The following GRID2 variants were observed in gnomAD, a reference collection of about 807,000 sequenced individuals.
GRID2 encodes the protein glutamate receptor ionotropic, delta-2.
In GRID2, 33 loss-of-function variants were observed where a neutral mutation model predicts 114.8. The ratio of observed to expected loss-of-function variants is 0.29; its 90% CI spans 0.22 to 0.38. GRID2 has a LOEUF of 0.38. Ranked by LOEUF, GRID2 falls within the 10% of genes least tolerant of loss-of-function variation. The probability of loss-of-function intolerance (pLI) is 1.00; values close to 1 mark genes in which losing one functional copy is unlikely to be tolerated. For missense variants in GRID2, 1,184 were observed against 1,257.7 expected, an observed-to-expected ratio of 0.94 and a Z score of 0.89; for synonymous variants, 505 against 449.9, an observed-to-expected ratio of 1.12 and a Z score of -1.55.
intron 2 of GRID2, among the ~76,000 whole-genome samples, chr4:92,890,452 G>C (rs181526138): frequency 6.6e-6 from 1 of 151,872 alleles, no homozygotes; most frequent in Non-Finnish European, 1.5e-5. Context: ...GTGGGTGAAG[G>C]ATATGAACAG....
chr4:93,801,034 G>C (rs1270423014), intron 1 of GRID2, among the ~76,000 whole-genome samples: 1 of 152,066 alleles, frequency 6.6e-6, no homozygotes, highest in Non-Finnish European at 1.5e-5. Flanking sequence ...GAAAATAATC[G>C]TTTGTTGGTC....
rs529520475 is a variant in GRID2, at chr4:92,767,968, G to T, written c.244+177682G>T. On this transcript the variant is annotated intron_variant, in intron 2 of 15. Coordinates refer to ENST00000282020, the MANE Select transcript of GRID2 (RefSeq NM_001510.4). The stretch of plus-strand genomic sequence containing the variant: ...CCTGGTACATGATCAGCACATAAGT[G>T]TTACTTATGCTTATTTTGTATTCTT... Among the ~76,000 whole-genome samples, 199 of 151,308 alleles carry T rather than the reference G, an allele frequency of 1.3e-3. 1 individual carries two copies. The highest frequency in any genetic ancestry group is 4.5e-3 in the African/African-American group (184 of 41,296).
chr4:92,780,662 C>T (rs1378285498), intron 2 of GRID2, among the ~76,000 whole-genome samples: 2 of 152,054 alleles, frequency 1.3e-5, no homozygotes, highest in Non-Finnish European at 2.9e-5. Flanking sequence ...ATATGGACTT[C>T]CTTCAGATAA....
intron 10 of GRID2, among the ~76,000 whole-genome samples, chr4:93,439,277 G>A (rs911564553): frequency 3.3e-5 from 5 of 152,040 alleles, no homozygotes; most frequent in African/African-American, 1.2e-4. Flanking sequence ...CACATTCTAT[G>A]GCATAATAAT....
At chr4:93,799,712 T>C (rs1483771980) in intron 1 of GRID2, among the ~76,000 whole-genome samples, 1 of 152,218 alleles carries the variant, frequency 6.6e-6, no homozygotes, top group Non-Finnish European at 1.5e-5. Flanking sequence ...CTAGATGTGA[T>C]ATCTCAAGTA....
chr4:93,018,887 A>G (rs1164987990), intron 2 of GRID2, among the ~76,000 whole-genome samples: 1 of 152,164 alleles, frequency 6.6e-6, no homozygotes, highest in African/African-American at 2.4e-5. Flanking sequence ...AACTCAAAAC[A>G]AAACTTTTAC....
intron 2 of GRID2, among the ~76,000 whole-genome samples, chr4:92,692,579 A>C (rs1452448842): frequency 6.6e-6 from 1 of 152,094 alleles, no homozygotes; most frequent in Non-Finnish European, 1.5e-5. Flanking sequence ...AGTAACTTAG[A>C]TTTTTTAATA....
chr4:93,599,669 A>C lies in GRID2; in HGVS notation c.2194-26600A>C, dbSNP rs115775568. On this transcript the variant is annotated intron_variant, in intron 13 of 15. Coordinates refer to ENST00000282020, the MANE Select transcript of GRID2 (RefSeq NM_001510.4). ...TTGGCTTAGTATCTTATACCAAACT[A>C]ACCCTTTCACAAAAGCAGCCAGAAC... 7.2e-3 allele frequency among the ~76,000 whole-genome samples: 1,099 copies of C among 152,292 alleles called. 11 individuals are homozygous for C. The highest frequency in any genetic ancestry group is 0.025 in the African/African-American group (1,021 of 41,556).
At chr4:93,630,328 CAT>C (rs1288379979) in intron 14 of GRID2, among the ~76,000 whole-genome samples, 9 of 152,106 alleles carry the variant, frequency 5.9e-5, no homozygotes, top group Non-Finnish European at 1.2e-4. Flanking sequence ...AACATTTAGT[CAT>C]ATGTTGCCTC....
At chr4:92,577,661 A>G (rs1727962232) in intron 1 of GRID2, among the ~76,000 whole-genome samples, 1 of 152,188 alleles carries the variant, frequency 6.6e-6, no homozygotes, top group South Asian at 2.1e-4. Context: ...ATAAATCTCC[A>G]GTTGAAAGGA....
chr4:92,449,182 C>A (rs1720756251), intron 1 of GRID2, among the ~76,000 whole-genome samples: 1 of 151,962 alleles, frequency 6.6e-6, no homozygotes, highest in African/African-American at 2.4e-5. Flanking sequence ...TAAGGTTTTA[C>A]CATATTTGGA....
chr4:93,723,200 G>T (rs1729544159), intron 14 of GRID2, among the ~76,000 whole-genome samples: 1 of 152,164 alleles, frequency 6.6e-6, no homozygotes, highest in Non-Finnish European at 1.5e-5. Context: ...TTCATCCTAT[G>T]CTATTACGGT....
At chr4:93,462,839 T>C (rs1723879564) in intron 11 of GRID2, among the ~76,000 whole-genome samples, 1 of 152,204 alleles carries the variant, frequency 6.6e-6, no homozygotes, top group Non-Finnish European at 1.5e-5. Context: ...TGTTACCTAA[T>C]ATTTCACATT....
At chr4:92,566,571 G>T (rs1238223151) in intron 1 of GRID2, among the ~76,000 whole-genome samples, 1 of 151,890 alleles carries the variant, frequency 6.6e-6, no homozygotes, top group Non-Finnish European at 1.5e-5. Context: ...AAATTTTCTT[G>T]TCTCTCTATG....
chr4:92,794,903 T>TATATAC (rs1739783273), intron 2 of GRID2, among the ~76,000 whole-genome samples: 2 of 134,216 alleles, frequency 1.5e-5, no homozygotes, highest in Non-Finnish European at 3.2e-5. Context: ...TATATATATA[T>TATATAC]ATACACACAC....
chr4:93,355,423 A>G (rs1373956482), intron 8 of GRID2, among the ~76,000 whole-genome samples: 1 of 152,040 alleles, frequency 6.6e-6, no homozygotes, highest in Non-Finnish European at 1.5e-5. Context: ...GACAGCCTTC[A>G]TGGAGTCTGT....
intron 10 of GRID2, among the ~76,000 whole-genome samples, chr4:93,446,586 G>A (rs1580109101): frequency 1.3e-5 from 2 of 152,024 alleles, no homozygotes; most frequent in South Asian, 2.1e-4. Flanking sequence ...TGCTTGAATT[G>A]TGAGAGCTAA....
At chr4:93,540,154 A>G (rs186672970) in intron 13 of GRID2, among the ~76,000 whole-genome samples, 117 of 151,926 alleles carry the variant, frequency 7.7e-4, no homozygotes, top group Admixed American at 7.5e-3. Context: ...TTTCATGTCT[A>G]CTAGCATTTT....
intron 8 of GRID2, among the ~76,000 whole-genome samples, chr4:93,358,436 C>G (rs1761554613): frequency 6.6e-6 from 1 of 151,492 alleles, no homozygotes; most frequent in Admixed American, 6.6e-5. Context: ...TTGTATATAC[C>G]AAAGAGAACA....
Sources: gnomAD v4.1 joint callset for allele counts (sites outside exome capture counted in the v4.1 genomes callset) on GRCh38, gnomAD v4.1.1 for gene constraint, MANE v1.5 for transcripts, NCBI Gene and HGNC (gene_info 2026-07-23, HGNC 2026-07-21) for gene names.